The following PATJ variants were observed in gnomAD, a reference collection of about 807,000 sequenced individuals.
The protein encoded by PATJ is PATJ crumbs cell polarity complex component, also known as inaD-like protein.
A neutral mutation model predicts 224.9 loss-of-function variants in PATJ; 190 were observed. That is an observed-to-expected ratio of 0.84 (90% CI 0.75 to 0.95). The LOEUF (loss-of-function observed/expected upper bound fraction) is 0.95, where lower values mean the gene tolerates loss of function less well. PATJ is among the 40% of genes least tolerant of loss of function. PATJ has a pLI of 0.00. For missense variants in PATJ, 2,121 were observed against 2,270.3 expected, an observed-to-expected ratio of 0.93 and a Z score of 1.34; for synonymous variants, 769 against 820.3, an observed-to-expected ratio of 0.94 and a Z score of 1.07.
rs1226485762 is a variant in PATJ at position 62,018,376 on chromosome 1, C to T, written c.3959+429C>T. On this transcript the variant is annotated intron_variant, in intron 29 of 43. Transcript: ENST00000642238. This position sits in a 1 kb window ranked among gnomAD's most constrained non-coding sequence, Gnocchi z 4.2. Reference sequence around the variant, plus strand: ...CTTTTAAGAGTGCTGGTGAGAAGCTCAGAGTAGAGAAGATGTTCAGCACTG... The same window carrying T: ...CTTTTAAGAGTGCTGGTGAGAAGCTTAGAGTAGAGAAGATGTTCAGCACTG... Among the ~76,000 whole-genome samples the T allele has an allele frequency of 3.3e-5, 5 of 152,172 alleles. No homozygotes were observed. The highest frequency in any genetic ancestry group is 9.7e-5 in the African/African-American group (4 of 41,436).
At chr1:62,127,529 G>T (rs1311819772) in intron 39 of PATJ, among the ~76,000 whole-genome samples, 2 of 151,972 alleles carry the variant, frequency 1.3e-5, no homozygotes. Context: ...GCTGGGGCTG[G>T]GTAGGGTAGT....
At chr1:61,893,889 C>A (rs2498988) in intron 22 of PATJ, among the ~76,000 whole-genome samples, 10 of 149,334 alleles carry the variant, frequency 6.7e-5, no homozygotes, top group African/African-American at 2.2e-4. Flanking sequence ...ATTTGGGGTA[C>A]AGGAAGGTGG....
chr1:61,781,301 A>AT (rs1647279872), intron 7 of PATJ, among the ~76,000 whole-genome samples: 1 of 152,204 alleles, frequency 6.6e-6, no homozygotes, highest in South Asian at 2.1e-4. Flanking sequence ...GGCATATGGT[A>AT]AGGCCTAGCC....
chr1:61,995,352 C>T (rs1161607342), intron 28 of PATJ, among the ~76,000 whole-genome samples: 1 of 152,114 alleles, frequency 6.6e-6, no homozygotes, highest in African/African-American at 2.4e-5. Flanking sequence ...ATTGTTTTGT[C>T]TCTATGATAT....
At chr1:62,129,485 CA>C (rs1558210260) in intron 41 of PATJ, among the ~76,000 whole-genome samples, 1 of 152,212 alleles carries the variant, frequency 6.6e-6, no homozygotes, top group African/African-American at 2.4e-5. Context: ...GATGTAAAAG[CA>C]AAGTGTGCTG....
At chr1:61,871,498 T>TAC (rs1557793533) in intron 20 of PATJ, among the ~76,000 whole-genome samples, 6 of 131,876 alleles carry the variant, frequency 4.5e-5, no homozygotes, top group African/African-American at 8.1e-5. Flanking sequence ...TATATGTATA[T>TAC]ATACATATAT....
At chr1:62,008,863 T>G (rs529299045) in intron 28 of PATJ, among the ~76,000 whole-genome samples, 1 of 152,258 alleles carries the variant, frequency 6.6e-6, no homozygotes, top group East Asian at 1.9e-4. Flanking sequence ...ATCTTGGATT[T>G]TAAGATAATA....
chr1:61,854,445 A>G (rs1471451175), intron 17 of PATJ, among the ~76,000 whole-genome samples: 2 of 152,170 alleles, frequency 1.3e-5, no homozygotes, highest in Non-Finnish European at 2.9e-5. Context: ...AGACAAATTA[A>G]GAGACTCTGC....
At chr1:61,764,770 A>T (rs902575298) in intron 3 of PATJ, among the ~76,000 whole-genome samples, 3 of 152,272 alleles carry the variant, frequency 2.0e-5, no homozygotes, top group African/African-American at 7.2e-5. Context: ...TTAGACCAGA[A>T]TTTATACCCT....
chr1:61,827,761 C>A (rs1018625623), intron 16 of PATJ, among the ~76,000 whole-genome samples, 178 bp downstream of exon 16: 3 of 152,072 alleles, frequency 2.0e-5, no homozygotes, highest in East Asian at 1.9e-4. Flanking sequence ...TCAAAAAATT[C>A]TTTCCTTCCC....
intron 17 of PATJ, chr1:61,846,226 G>A (rs1459963956): frequency 6.6e-6 from 1 of 152,142 alleles, no homozygotes; most frequent in Non-Finnish European, 1.5e-5. Context: ...TTTAATAACT[G>A]TGAAATCTGT....
At chr1:62,028,658 C>T (rs1648526435) in intron 29 of PATJ, among the ~76,000 whole-genome samples, 1 of 152,058 alleles carries the variant, frequency 6.6e-6, no homozygotes, top group Non-Finnish European at 1.5e-5. Flanking sequence ...TGGCACACAC[C>T]TGTGGTCCCA....
intron 1 of PATJ, among the ~76,000 whole-genome samples, chr1:61,743,055 G>A (rs937257143): frequency 1.1e-4 from 16 of 152,302 alleles, no homozygotes; most frequent in African/African-American, 3.4e-4. Flanking sequence ...GAGGGAACGG[G>A]GTGAGGGGAC....
chr1:62,117,505 T>C, intron 37 of PATJ: 1 of 896,178 alleles, frequency 1.1e-6, no homozygotes, highest in African/African-American at 1.8e-5. Context: ...CTGTGTTTAT[T>C]TAAAAAAAAA....
intron 27 of PATJ, among the ~76,000 whole-genome samples, chr1:61,985,996 C>G (rs906628655): frequency 1.6e-4 from 25 of 151,918 alleles, no homozygotes; most frequent in Non-Finnish European, 1.0e-4. Flanking sequence ...AGGCAACATC[C>G]ACTTTTAAGG....
At chr1:62,073,959 C>T (rs1443101422) in intron 31 of PATJ, among the ~76,000 whole-genome samples, 1 of 152,152 alleles carries the variant, frequency 6.6e-6, no homozygotes, top group South Asian at 2.1e-4. Context: ...AAACTTTTAT[C>T]ACATTTTTAT....
At chr1:61,953,445 T>C (rs1412529271) in intron 27 of PATJ, among the ~76,000 whole-genome samples, 1 of 152,248 alleles carries the variant, frequency 6.6e-6, no homozygotes, top group Non-Finnish European at 1.5e-5. Flanking sequence ...GCAAGAACTT[T>C]TGTTTAAAAT....
intron 30 of PATJ, among the ~76,000 whole-genome samples, chr1:62,039,957 A>G (rs1038527922): frequency 8.6e-5 from 13 of 151,684 alleles, no homozygotes; most frequent in African/African-American, 3.1e-4. Flanking sequence ...GGGCCCATAG[A>G]AATCAGCTGT....
At chr1:61,842,438 T>C (rs1003973444) in intron 17 of PATJ, among the ~76,000 whole-genome samples, 2 of 152,176 alleles carry the variant, frequency 1.3e-5, no homozygotes, top group African/African-American at 2.4e-5. Context: ...AGCTTTCTCA[T>C]AGGGTAGCTT....
Sources: allele counts gnomAD v4.1 joint callset (sites outside exome capture counted in the v4.1 genomes callset), GRCh38; gene constraint gnomAD v4.1.1; non-coding constraint Gnocchi (gnomAD v3.1); transcripts MANE v1.5; gene names NCBI Gene and HGNC (gene_info 2026-07-23, HGNC 2026-07-21).